PPM1E: variants seen among roughly 807,000 people sequenced by gnomAD.
PPM1E encodes the protein protein phosphatase, Mg2+/Mn2+ dependent 1E.
Under a neutral mutation model 65.9 loss-of-function variants are expected in PPM1E, and 20 were observed. The ratio of observed to expected loss-of-function variants is 0.30; its 90% CI spans 0.21 to 0.44. The LOEUF is 0.44. Ranked by LOEUF, PPM1E falls within the 20% of genes least tolerant of loss-of-function variation. The probability of loss-of-function intolerance (pLI) is 1.00; values close to 1 mark genes in which losing one functional copy is unlikely to be tolerated. For missense variants in PPM1E, 713 were observed against 953.1 expected (o/e 0.75, Z 3.32); for synonymous variants, 352 against 374.9 (o/e 0.94, Z 0.70).
intron 1 of PPM1E, among the ~76,000 whole-genome samples, chr17:58,919,812 T>C (rs2051729947): frequency 6.6e-6 from 1 of 151,786 alleles, no homozygotes; most frequent in Non-Finnish European, 1.5e-5. Flanking sequence ...AAAAAAAAGA[T>C]AGAGAGTTCT....
chr17:58,787,507 A>G (rs1176506005), intron 1 of PPM1E, among the ~76,000 whole-genome samples: 2 of 152,132 alleles, frequency 1.3e-5, no homozygotes, highest in East Asian at 3.8e-4. Context: ...TCTTGGACCC[A>G]TGGACTAATC....
At chr17:58,879,993 A>G (rs899152213) in intron 1 of PPM1E, among the ~76,000 whole-genome samples, 6 of 152,220 alleles carry the variant, frequency 3.9e-5, no homozygotes, top group African/African-American at 1.4e-4. Context: ...TACAAATTTC[A>G]CACGGCATGG....
At chr17:58,931,079 AAAAAAAAG>A (rs1260018129) in intron 1 of PPM1E, among the ~76,000 whole-genome samples, 23 of 142,804 alleles carry the variant, frequency 1.6e-4, no homozygotes, top group East Asian at 8.0e-4. Context: ...AAAAAAAAAA[AAAAAAAAG>A]AAAGAAAGAA....
chr17:58,913,635 A>T (rs2051653369), intron 1 of PPM1E, among the ~76,000 whole-genome samples: 1 of 152,142 alleles, frequency 6.6e-6, no homozygotes, highest in Admixed American at 6.5e-5. Context: ...ATTTGGCAGC[A>T]GGGGGCTAGG....
intron 1 of PPM1E, among the ~76,000 whole-genome samples, chr17:58,843,420 T>G (rs1469473946): frequency 6.6e-6 from 1 of 151,210 alleles, no homozygotes; most frequent in Non-Finnish European, 1.5e-5. Context: ...CTTGGAAGGC[T>G]GAGGCAGGAG....
chr17:58,808,735 C>G (rs2050338120), intron 1 of PPM1E, among the ~76,000 whole-genome samples: 1 of 152,122 alleles, frequency 6.6e-6, no homozygotes, highest in Non-Finnish European at 1.5e-5. Context: ...TCACTACAAT[C>G]TAATTTTAGA....
intron 1 of PPM1E, among the ~76,000 whole-genome samples, chr17:58,773,988 C>T (rs568117859): frequency 6.6e-6 from 1 of 151,940 alleles, no homozygotes; most frequent in Non-Finnish European, 1.5e-5. Flanking sequence ...ATGGTGAAAC[C>T]CTGTCTCTAC....
chr17:58,872,679 T>A (rs2051084495), intron 1 of PPM1E, among the ~76,000 whole-genome samples: 1 of 152,178 alleles, frequency 6.6e-6, no homozygotes, highest in Non-Finnish European at 1.5e-5. Flanking sequence ...CATTTGTATA[T>A]CCTCCAGTCC....
intron 1 of PPM1E, among the ~76,000 whole-genome samples, chr17:58,937,872 T>C (rs1598662065): frequency 2.0e-5 from 1 of 49,498 alleles, no homozygotes; most frequent in African/African-American, 9.9e-5. Context: ...AGAGTGAGAC[T>C]CCATCTCAAA....
Position 58,791,421 on chromosome 17 carries a change from G to A in PPM1E, c.464+34960G>A, listed in dbSNP as rs569848120. On this transcript the variant is annotated intron_variant, in intron 1 of 6. Transcript: ENST00000308249. Reference sequence around the variant, plus strand: ...TTCTGCTCAACTCTGCATTTGGTGAGAGCAGATACTGTCCTATTTTTAACT... The same window carrying A: ...TTCTGCTCAACTCTGCATTTGGTGAAAGCAGATACTGTCCTATTTTTAACT... Among the ~76,000 whole-genome samples, 212 of 152,282 alleles carry A rather than the reference G, an allele frequency of 1.4e-3. 1 individual carries two copies. Among genetic ancestry groups the A allele is most frequent in the Middle Eastern group, 0.01 (3 of 294 alleles).
chr17:58,942,341 GCAT>G (rs1428065478), intron 1 of PPM1E, among the ~76,000 whole-genome samples: 4 of 152,062 alleles, frequency 2.6e-5, no homozygotes, highest in African/African-American at 9.7e-5. Context: ...AGGTATGACT[GCAT>G]CACTACACTC....
intron 1 of PPM1E, among the ~76,000 whole-genome samples, chr17:58,896,885 A>G (rs1024917738): frequency 1.3e-5 from 2 of 152,196 alleles, no homozygotes; most frequent in African/African-American, 4.8e-5. Flanking sequence ...TTCAAAGGAC[A>G]GGCTGACTCT....
At position 58,980,885 on chromosome 17, in the gene PPM1E, A is replaced by G. The variant is rs2031317346; in HGVS notation, c.2122A>G (p.Thr708Ala). ...HKIGTSLSSL[T>A]GSGKRNRIRS... ...AATAGGCACTAGCCTGTCCTCACTT[A>G]CTGGAAGTGGGAAGAGAAATAGGAT... Residue 708 changes from threonine to alanine, a missense_variant, in exon 7 of 7, where the codon ACT becomes GCT. By Grantham distance (58) the Thr-to-Ala change is moderately conservative. This residue lies in a region of PPM1E where 286 missense variants were observed against 313.8 expected (regional missense o/e 0.91). Coordinates refer to ENST00000308249, the MANE Select transcript of PPM1E (RefSeq NM_014906.5). This position sits in a 1 kb window ranked among gnomAD's most constrained non-coding sequence, Gnocchi z 4.7. 6.2e-7 allele frequency: 1 copy of G among 1,614,012 alleles called. No individual in the cohort carries two copies. The highest frequency in any genetic ancestry group is 8.5e-7 in the Non-Finnish European group (1 of 1,179,980).
chr17:58,954,436 A>G (rs904562346), intron 1 of PPM1E, among the ~76,000 whole-genome samples: 1 of 152,228 alleles, frequency 6.6e-6, no homozygotes, highest in Non-Finnish European at 1.5e-5. Context: ...TTTGAAAAGA[A>G]TAGAAATTCC....
chr17:58,865,796 G>T (rs1264995230), intron 1 of PPM1E, among the ~76,000 whole-genome samples: 1 of 152,160 alleles, frequency 6.6e-6, no homozygotes, highest in East Asian at 1.9e-4. Context: ...CTATTCTATT[G>T]TGGTAAATAG....
At chr17:58,776,371 G>A in intron 1 of PPM1E, among the ~76,000 whole-genome samples, 1 of 152,112 alleles carries the variant, frequency 6.6e-6, no homozygotes. Context: ...TGAAAATCTA[G>A]TAATTTTAAT....
Position 58,781,901 on chromosome 17 carries a change from T to A in PPM1E, c.464+25440T>A, listed in dbSNP as rs1165867307. Among the ~76,000 whole-genome samples the A allele has an allele frequency of 3.3e-5, 5 of 151,798 alleles. No homozygotes were observed. The East Asian group carries it at 7.7e-4, about 23-fold the overall frequency. Reference sequence around the variant, plus strand: ...ACTCCGTCTCAAAAGAAAAAAAAAATAAAATAAAATGCAGTGATTTTTTCT... The same window carrying A: ...ACTCCGTCTCAAAAGAAAAAAAAAAAAAAATAAAATGCAGTGATTTTTTCT... On this transcript the variant is annotated intron_variant, in intron 1 of 6. Transcript: ENST00000308249.
At chr17:58,888,307 C>A (rs200613033) in intron 1 of PPM1E, among the ~76,000 whole-genome samples, 1 of 136,400 alleles carries the variant, frequency 7.3e-6, no homozygotes, top group South Asian at 2.4e-4. Context: ...TTTTTTTTTT[C>A]TTTTTCCTTG....
intron 1 of PPM1E, among the ~76,000 whole-genome samples, chr17:58,897,508 A>T (rs2051437040): frequency 6.6e-6 from 1 of 152,328 alleles, no homozygotes; most frequent in African/African-American, 2.4e-5. Context: ...CAAGGAAATT[A>T]ATGTTTTCAT....
Sources: gnomAD v4.1 joint callset for allele counts (sites outside exome capture counted in the v4.1 genomes callset) on GRCh38, gnomAD v4.1.1 for gene constraint, gnomAD v4.1.1 regional missense constraint, Gnocchi (gnomAD v3.1) non-coding constraint, MANE v1.5 for transcripts, NCBI Gene and HGNC (gene_info 2026-07-23, HGNC 2026-07-21) for gene names.